Variants in TPCN2 observed in about 807,000 individuals in gnomAD.
TPCN2 encodes the protein two pore channel protein 2.
Under a neutral mutation model 111.4 loss-of-function variants are expected in TPCN2, and 92 were observed. The ratio of observed to expected loss-of-function variants is 0.83; its 90% CI spans 0.70 to 0.98. The LOEUF (loss-of-function observed/expected upper bound fraction) is 0.98. Ranked by LOEUF, TPCN2 falls within the 50% of genes least tolerant of loss-of-function variation. The pLI is 0.00. For synonymous variants in TPCN2, 405 were observed against 414.5 expected, an observed-to-expected ratio of 0.98 and a Z score of 0.28; for missense variants, 995 against 980.1, an observed-to-expected ratio of 1.02 and a Z score of -0.20.
rs1856229056 is a variant in TPCN2, at chr11:69,085,421, C to T, written c.1838+135C>T. ...CTCCCAGTTCCTTCGTCTCCTCCCT[C>T]CACCCCCTTTTCCCGACCCCCAATT... On this transcript the variant is annotated intron_variant, in intron 20 of 24. Transcript: ENST00000294309. 50 of 922,406 alleles carry T rather than the reference C, an allele frequency of 5.4e-5. 1 individual carries two copies. The South Asian group carries it at 6.9e-4, about 13-fold the overall frequency. 57.1% of individuals were successfully genotyped at this position (922,406 alleles called of 1,614,324 possible). A position where few individuals can be genotyped will look rare whatever the true frequency, so the allele number is the denominator to read the frequency against.
chr11:69,081,167 G>A (rs1452955099), intron 17 of TPCN2, among the ~76,000 whole-genome samples: 2 of 152,072 alleles, frequency 1.3e-5, no homozygotes, highest in Admixed American at 1.3e-4. Context: ...GAAGGTGTTG[G>A]GGGGATGGGG....
chr11:69,056,114 C>T (rs1854752626), intron 4 of TPCN2, among the ~76,000 whole-genome samples: 1 of 152,244 alleles, frequency 6.6e-6, no homozygotes, highest in African/African-American at 2.4e-5. Context: ...GATTCCAGTG[C>T]TGCGGTCTCA....
intron 8 of TPCN2, among the ~76,000 whole-genome samples, chr11:69,069,080 A>G (rs866084300): frequency 2.0e-4 from 6 of 29,794 alleles, no homozygotes; most frequent in Admixed American, 3.0e-4. Context: ...GGAAGTGACC[A>G]CAGGGGGAGC....
Position 69,085,294 on chromosome 11 carries a change from G to A in TPCN2, c.1838+8G>A, listed in dbSNP as rs1856222138. On this transcript the variant is annotated splice_region_variant and intron_variant, in intron 20 of 24. Coordinates refer to ENST00000294309, the MANE Select transcript of TPCN2 (RefSeq NM_139075.4). Reference sequence around the variant, plus strand: ...TCTTCCTGGAAACAGCAGGTGAGGTGGGGTCCGAGGTGCCACAGGGAGTGT... The same window carrying A: ...TCTTCCTGGAAACAGCAGGTGAGGTAGGGTCCGAGGTGCCACAGGGAGTGT... 2 of 1,613,826 alleles carry A rather than the reference G, an allele frequency of 1.2e-6. No homozygotes were observed. Among genetic ancestry groups the A allele is most frequent in the Non-Finnish European group, 1.7e-6 (2 of 1,179,808 alleles).
chr11:69,076,883 G>T (rs1336165863), intron 13 of TPCN2, among the ~76,000 whole-genome samples: 2 of 101,326 alleles, frequency 2.0e-5, no homozygotes, highest in African/African-American at 4.6e-5. Flanking sequence ...CCCTCCACTT[G>T]CCCTCCTGCC....
intron 24 of TPCN2, 126 bp downstream of exon 24, chr11:69,087,332 G>T: frequency 2.5e-6 from 2 of 792,652 alleles, no homozygotes. Context: ...CGGTTATCTG[G>T]CTTTGGTCCT....
chr11:69,086,063 C>T (rs996052936), intron 22 of TPCN2, 133 bp downstream of exon 22: 15 of 862,454 alleles, frequency 1.7e-5, no homozygotes, highest in East Asian at 5.3e-5. Context: ...ACAGGGAAGT[C>T]GGCCAGCGTG....
intron 8 of TPCN2, 93 bp from the exon 9 acceptor site, chr11:69,070,337 C>T (rs1855466535): frequency 2.8e-6 from 3 of 1,055,782 alleles, no homozygotes; most frequent in East Asian, 2.4e-5. Context: ...TGGAGACCTC[C>T]TTTCTATTGC....
In TPCN2 at chr11:69,055,387, C is replaced by G. The variant is rs201107466; in HGVS notation, c.429+35C>G. 1.3e-4 allele frequency: 202 copies of G among 1,555,130 alleles called. No homozygotes were observed. The African/African-American group carries it at 2.7e-3, about 21-fold the overall frequency. ...GCGCCAGGCCCTCTACGTGCTGCCC[C>G]GGCCTCCCAGCGCCTGGCCGCTGCT... On this transcript the variant is annotated intron_variant, in intron 4 of 24. Transcript: ENST00000294309.
chr11:69,063,074 G>A lies in TPCN2; in HGVS notation c.653+84G>A, dbSNP rs553796093. On this transcript the variant is annotated intron_variant, in intron 6 of 24. Coordinates refer to ENST00000294309, the MANE Select transcript of TPCN2 (RefSeq NM_139075.4). ...CACGTGGTTGCGGGTGGGGCCCACC[G>A]GAGTCTCATCTTGGACTGCGTGCTC... 4.3e-5 allele frequency: 54 copies of A among 1,242,180 alleles called. 1 individual carries two copies. The highest frequency in any genetic ancestry group is 1.7e-4 in the South Asian group (14 of 82,084). The allele number at this position is 1,242,180 out of a possible 1,614,324, so 76.9% of individuals were successfully genotyped here.
At position 69,055,419 on chromosome 11, in the gene TPCN2, G is replaced by C. The variant is rs150684835; in HGVS notation, c.429+67G>C. The C allele has an allele frequency of 2.1e-4, 299 of 1,435,698 alleles. 1 individual carries two copies. In the African/African-American group the frequency reaches 3.0e-3, roughly 14 times the overall value. The allele number at this position is 1,435,698 out of a possible 1,614,324, so 88.9% of individuals were successfully genotyped here. ...CCAGCGCCTGGCCGCTGCTCTCCTG[G>C]TTTATTGCTGATTCTCTGGAGTGAG... On this transcript the variant is annotated intron_variant, in intron 4 of 24. Coordinates refer to ENST00000294309, the MANE Select transcript of TPCN2 (RefSeq NM_139075.4).
At chr11:69,049,312 G>T (rs1264421326) in intron 1 of TPCN2, among the ~76,000 whole-genome samples, 1 of 152,200 alleles carries the variant, frequency 6.6e-6, no homozygotes, top group African/African-American at 2.4e-5. Context: ...CGGGGTCAGG[G>T]CAGAGCTGGG....
In TPCN2 at chr11:69,062,917, T is replaced by C. The variant is rs554622608; in HGVS notation, c.580T>C (p.Phe194Leu). ...LRIRRLLRPF[F>L]LLQNSSMMKK... is the part of the protein sequence containing the mutation. ...GATCCGCCGGCTTCTCCGTCCCTTC[T>C]TCCTGCTGCAGAACTCCTCTATGAT... Residue 194 changes from phenylalanine to leucine, a missense_variant, in exon 6 of 25, where the codon TTC becomes CTC. By Grantham distance (22) the Phe-to-Leu change is conservative. Transcript: ENST00000294309. The C allele has an allele frequency of 3.4e-5, 55 of 1,614,022 alleles. No individual in the cohort carries two copies. In the South Asian group the frequency reaches 5.6e-4, roughly 16 times the overall value.
rs182097144 is a variant in TPCN2 at position 69,058,721 on chromosome 11, C to T, written c.546+1027C>T. 2.3e-4 allele frequency among the ~76,000 whole-genome samples: 35 copies of T among 152,316 alleles called. No individual in the cohort carries two copies. The East Asian group carries it at 6.2e-3, about 27-fold the overall frequency. On this transcript the variant is annotated intron_variant, in intron 5 of 24. Transcript: ENST00000294309. ...GGAGGGCAGCCCCGCTGTGCTGCTG[C>T]GGGGCCTCCGTGGCCACCTCCTTCC...
intron 7 of TPCN2, among the ~76,000 whole-genome samples, chr11:69,067,166 C>T (rs1855308653): frequency 6.6e-6 from 1 of 152,248 alleles, no homozygotes; most frequent in Admixed American, 6.5e-5. Context: ...CGTAGCCTCA[C>T]TGCTTGCACA....
chr11:69,072,190 G>C (rs541671249), intron 11 of TPCN2, among the ~76,000 whole-genome samples, 167 bp downstream of exon 11: 1 of 152,162 alleles, frequency 6.6e-6, no homozygotes, highest in Admixed American at 6.5e-5. Context: ...TGTGGTTCCC[G>C]GCGTCCTTGT....
At chr11:69,058,991 G>C (rs1458345635) in intron 5 of TPCN2, among the ~76,000 whole-genome samples, 1 of 152,220 alleles carries the variant, frequency 6.6e-6, no homozygotes, top group East Asian at 1.9e-4. Flanking sequence ...TACAAGCAAG[G>C]AAGAAAATGA....
At chr11:69,052,847 A>T (rs1028496617) in intron 1 of TPCN2, among the ~76,000 whole-genome samples, 1 of 152,202 alleles carries the variant, frequency 6.6e-6, no homozygotes, top group African/African-American at 2.4e-5. Flanking sequence ...TGTGGGCCCC[A>T]AGGGGCCAGG....
Position 69,085,266 on chromosome 11 carries a change from G to C in TPCN2, c.1818G>C (p.Val606=). The part of the protein sequence containing the change: ...IGINLFRGVI[V]ALPGNSSLAP... ...TCAACTTGTTTAGAGGCGTCATTGT[G>C]GCTCTTCCTGGAAACAGCAGGTGAG... The change falls in exon 20 of 25, where the codon GTG becomes GTC. Residue 606 remains valine, a synonymous_variant. Transcript: ENST00000294309. 2 of 1,614,004 alleles carry C rather than the reference G, an allele frequency of 1.2e-6. No individual in the cohort carries two copies. The highest frequency in any genetic ancestry group is 1.7e-6 in the Non-Finnish European group (2 of 1,179,954).
Sources: gnomAD v4.1 joint callset for allele counts (sites outside exome capture counted in the v4.1 genomes callset) on GRCh38, gnomAD v4.1.1 for gene constraint, MANE v1.5 for transcripts, NCBI Gene and HGNC (gene_info 2026-07-23, HGNC 2026-07-21) for gene names.